TRAP1: variants seen among roughly 807,000 people sequenced by gnomAD.
TRAP1 encodes TNF receptor associated protein 1.
In TRAP1, 102 loss-of-function variants were observed where a neutral mutation model predicts 89.1. That is an observed-to-expected ratio of 1.15 (90% CI 0.98 to 1.35). The LOEUF is 1.35. Ranked by LOEUF, TRAP1 falls within the 40% of genes most tolerant of loss-of-function variation. The pLI is 0.00. For synonymous variants in TRAP1, 508 were observed against 388.0 expected, an observed-to-expected ratio of 1.31 and a Z score of -3.64; for missense variants, 1,256 against 945.3, an observed-to-expected ratio of 1.33 and a Z score of -4.31.
chr16:3,713,863 G>C (rs1312419841), intron 1 of TRAP1, among the ~76,000 whole-genome samples: 1 of 152,166 alleles, frequency 6.6e-6, no homozygotes, highest in Non-Finnish European at 1.5e-5. Context: ...CACGTGGCTG[G>C]GCTCCCCACA....
At chr16:3,672,914 C>T in intron 9 of TRAP1, 94 bp from the exon 10 acceptor site, 1 of 1,468,014 alleles carries the variant, frequency 6.8e-7, no homozygotes, top group East Asian at 2.4e-5. Context: ...AATCCAGAGC[C>T]CACTCCCGCC....
At chr16:3,664,966 C>T (rs1397359488) in intron 12 of TRAP1, 1 of 155,588 alleles carries the variant, frequency 6.4e-6, no homozygotes, top group African/African-American at 2.4e-5. Context: ...GCAGCTGTGA[C>T]CTCTAGAGCT....
chr16:3,698,033 G>C (rs1052885859), intron 1 of TRAP1, among the ~76,000 whole-genome samples: 3 of 151,724 alleles, frequency 2.0e-5, no homozygotes, highest in Admixed American at 6.6e-5. Context: ...GGATGGTCTC[G>C]AACTCCTGAC....
chr16:3,684,346 T>C (rs1399936083), intron 4 of TRAP1, among the ~76,000 whole-genome samples: 1 of 152,218 alleles, frequency 6.6e-6, no homozygotes, highest in Non-Finnish European at 1.5e-5. Flanking sequence ...GCATATTTTA[T>C]TCCCTAGAAA....
chr16:3,677,488 C>G lies in TRAP1; in HGVS notation c.704+10G>C. ...TTTGAGCTGCCTGTCAGGCGACATT[C>G]GTCACTCACCCATCTGAAAGCCACT... On this transcript the variant is annotated intron_variant, in intron 6 of 17. Coordinates refer to ENST00000246957, the MANE Select transcript of TRAP1 (RefSeq NM_016292.3). The G allele has an allele frequency of 6.2e-7, 1 of 1,614,182 alleles. No individual in the cohort carries two copies. Among genetic ancestry groups the G allele is most frequent in the Non-Finnish European group, 8.5e-7 (1 of 1,180,032 alleles).
At chr16:3,681,537 C>A (rs1434326660) in intron 4 of TRAP1, among the ~76,000 whole-genome samples, 1 of 152,146 alleles carries the variant, frequency 6.6e-6, no homozygotes, top group Non-Finnish European at 1.5e-5. Flanking sequence ...GGCTTCTGGG[C>A]AATTATTTCT....
At chr16:3,658,950 T>A in intron 16 of TRAP1, 85 bp from the exon 17 acceptor site, 2 of 1,394,034 alleles carry the variant, frequency 1.4e-6, no homozygotes, top group South Asian at 2.4e-5. Flanking sequence ...TCAGGATATT[T>A]AAAGAAGCAC....
rs375948455 is a variant in TRAP1, at chr16:3,664,378, G to A, written c.1465C>T (p.Arg489Cys). 52 of 1,612,572 alleles carry A rather than the reference G, an allele frequency of 3.2e-5. 1 individual carries two copies. The highest frequency in any genetic ancestry group is 3.3e-4 in the Middle Eastern group (2 of 6,074). Reference protein sequence around the residue: ...QLTSLSEYASRMRAGTRNIYY... With the variant: ...QLTSLSEYASCMRAGTRNIYY... ...ATGTTGCGGGTGCCGGCCCGCATGC[G>A]GCTGGCGTATTCTGAGAGGCTGGTT... is the stretch of plus-strand genomic sequence containing the variant. The change falls in exon 13 of 18, where the codon CGC (arginine) becomes TGC (cysteine). Residue 489 changes from arginine to cysteine, a missense_variant. Physicochemically the swap from Arg to Cys is radical, Grantham distance 180 (BLOSUM62 -3). Coordinates refer to ENST00000246957, the MANE Select transcript of TRAP1 (RefSeq NM_016292.3).
chr16:3,669,640 C>T (rs544019301), intron 11 of TRAP1, among the ~76,000 whole-genome samples: 2 of 151,462 alleles, frequency 1.3e-5, no homozygotes, highest in African/African-American at 4.8e-5. Flanking sequence ...CAAGACCATC[C>T]CGGCTAACAC....
chr16:3,702,331 C>A (rs2051377133), intron 1 of TRAP1, among the ~76,000 whole-genome samples: 1 of 151,820 alleles, frequency 6.6e-6, no homozygotes, highest in Non-Finnish European at 1.5e-5. Flanking sequence ...AGGTCCTATG[C>A]TCGAGGCAAA....
intron 3 of TRAP1, among the ~76,000 whole-genome samples, chr16:3,688,566 A>G (rs1423866848): frequency 6.6e-6 from 1 of 151,938 alleles, no homozygotes; most frequent in East Asian, 1.9e-4. Context: ...CTGCAGCCCC[A>G]AAGTCTGCCA....
chr16:3,712,468 C>T (rs1178486868), intron 1 of TRAP1, among the ~76,000 whole-genome samples: 1 of 151,968 alleles, frequency 6.6e-6, no homozygotes, highest in Non-Finnish European at 1.5e-5. Flanking sequence ...ACCTGACACC[C>T]CCATCCCCAC....
Position 3,707,882 on chromosome 16 carries a change from C to G in TRAP1, c.88+9539G>C, listed in dbSNP as rs538150263. On this transcript the variant is annotated intron_variant, in intron 1 of 17. Coordinates refer to ENST00000246957, the MANE Select transcript of TRAP1 (RefSeq NM_016292.3). ...CAAAAAAAAAAAAAAAAAAGACAAACACATTAAGAAAAAAACTGGGGGCCA... is the reference window on the plus strand; with the variant it reads ...CAAAAAAAAAAAAAAAAAAGACAAAGACATTAAGAAAAAAACTGGGGGCCA... Among the ~76,000 whole-genome samples the G allele has an allele frequency of 1.6e-3, 239 of 145,508 alleles. 1 individual carries two copies. The highest frequency in any genetic ancestry group is 6.8e-3 in the South Asian group (31 of 4,556).
intron 1 of TRAP1, among the ~76,000 whole-genome samples, chr16:3,696,888 G>T (rs1427556065): frequency 6.6e-6 from 1 of 151,752 alleles, no homozygotes; most frequent in Non-Finnish European, 1.5e-5. Context: ...CACCATACCC[G>T]GCTAATTTTT....
chr16:3,687,361 A>G (rs1036951706), intron 3 of TRAP1: 5 of 152,266 alleles, frequency 3.3e-5, no homozygotes, highest in African/African-American at 9.7e-5. Context: ...AAGTCCAATT[A>G]AAGCTCCTTC....
At chr16:3,670,480 C>T (rs1279870368) in intron 11 of TRAP1, among the ~76,000 whole-genome samples, 1 of 150,126 alleles carries the variant, frequency 6.7e-6, no homozygotes. Context: ...GCCAAAGGAT[C>T]GCTTGAGCCC....
At chr16:3,713,666 G>A (rs116236323) in intron 1 of TRAP1, among the ~76,000 whole-genome samples, 2 of 152,214 alleles carry the variant, frequency 1.3e-5, no homozygotes, top group Non-Finnish European at 2.9e-5. Flanking sequence ...CAGTCACCTC[G>A]TCATGCAAAA....
intron 1 of TRAP1, among the ~76,000 whole-genome samples, chr16:3,693,716 G>A (rs531886139): frequency 7.9e-5 from 12 of 152,288 alleles, no homozygotes; most frequent in African/African-American, 2.6e-4. Flanking sequence ...TTCTGAGCCA[G>A]GCACACAACC....
At chr16:3,715,647 C>T (rs998777399) in intron 1 of TRAP1, among the ~76,000 whole-genome samples, 3 of 151,892 alleles carry the variant, frequency 2.0e-5, no homozygotes, top group Non-Finnish European at 4.4e-5. Flanking sequence ...GAAACGAGAA[C>T]CAAATTAACA....
Sources: gnomAD v4.1 joint callset for allele counts (sites outside exome capture counted in the v4.1 genomes callset) on GRCh38, gnomAD v4.1.1 for gene constraint, MANE v1.5 for transcripts, NCBI Gene and HGNC (gene_info 2026-07-23, HGNC 2026-07-21) for gene names.